The following TCERG1L variants were observed in gnomAD, a reference collection of about 807,000 sequenced individuals.
TCERG1L encodes transcription elongation regulator 1-like protein.
A neutral mutation model predicts 56.3 loss-of-function variants in TCERG1L; 37 were observed. The ratio of observed to expected loss-of-function variants is 0.66; its 90% CI spans 0.51 to 0.87. The LOEUF (loss-of-function observed/expected upper bound fraction) is 0.87, where lower values mean the gene tolerates loss of function less well. Ranked by LOEUF, TCERG1L falls within the 40% of genes least tolerant of loss-of-function variation. The probability of loss-of-function intolerance (pLI) is 0.00; values close to 1 mark genes in which losing one functional copy is unlikely to be tolerated. For missense variants in TCERG1L, 799 were observed against 774.2 expected (o/e 1.03, Z -0.38); for synonymous variants, 324 against 326.3 (o/e 0.99, Z 0.08).
intron 3 of TCERG1L, among the ~76,000 whole-genome samples, chr10:131,302,293 G>A (rs11017867): frequency 0.029 from 4,339 of 150,942 alleles, 243 homozygotes; most frequent in African/African-American, 0.097. Context: ...AGGATATACG[G>A]CTGGCTTTGC....
At chr10:131,117,427 C>G (rs146421476) in intron 8 of TCERG1L, among the ~76,000 whole-genome samples, 37 of 152,366 alleles carry the variant, frequency 2.4e-4, no homozygotes, top group African/African-American at 8.9e-4. Context: ...GCAGAACCAT[C>G]TATGTCCTGA....
At chr10:131,111,682 G>A (rs865812952) in intron 9 of TCERG1L, among the ~76,000 whole-genome samples, 6 of 142,880 alleles carry the variant, frequency 4.2e-5, no homozygotes, top group Middle Eastern at 3.5e-3. Context: ...CCTTCCCCTC[G>A]TCCACGCCCC....
rs191428886 is a variant in TCERG1L at position 131,297,108 on chromosome 10, T to G, written c.670+11103A>C. 1.9e-3 allele frequency among the ~76,000 whole-genome samples: 295 copies of G among 152,314 alleles called. 4 individuals carry two copies. Among genetic ancestry groups the G allele is most frequent in the Admixed American group, 0.018 (269 of 15,302 alleles). On this transcript the variant is annotated intron_variant, in intron 3 of 11. Coordinates refer to ENST00000368642, the MANE Select transcript of TCERG1L (RefSeq NM_174937.4). ...TTTTGCCTTGTTGCATAACTAGGGCTCCCGTCACAAATCCTTGCCTTGTTT... is the reference window on the plus strand; with the variant it reads ...TTTTGCCTTGTTGCATAACTAGGGCGCCCGTCACAAATCCTTGCCTTGTTT...
chr10:131,146,343 G>A (rs537267453), intron 7 of TCERG1L, among the ~76,000 whole-genome samples, 163 bp downstream of exon 7: 37 of 152,344 alleles, frequency 2.4e-4, no homozygotes, highest in Non-Finnish European at 4.6e-4. Flanking sequence ...TCTGCAGGAA[G>A]TGCCATAAAA....
intron 9 of TCERG1L, among the ~76,000 whole-genome samples, chr10:131,115,287 C>G (rs1029444321): frequency 1.3e-5 from 2 of 152,224 alleles, no homozygotes; most frequent in Admixed American, 6.5e-5. Context: ...CGGGGCAGGG[C>G]TAGAGCTTTT....
chr10:131,198,096 T>C (rs1564812590), intron 4 of TCERG1L, among the ~76,000 whole-genome samples: 1 of 152,260 alleles, frequency 6.6e-6, no homozygotes, highest in Non-Finnish European at 1.5e-5. Context: ...TTCTCACCTG[T>C]GGCGACATGC....
At chr10:131,166,444 G>C (rs1188847527) in intron 5 of TCERG1L, among the ~76,000 whole-genome samples, 3 of 152,238 alleles carry the variant, frequency 2.0e-5, no homozygotes, top group Non-Finnish European at 2.9e-5. Context: ...CCTGAAATTA[G>C]AATGAGTGTG....
intron 8 of TCERG1L, among the ~76,000 whole-genome samples, chr10:131,129,519 A>T (rs563437904): frequency 1.5e-4 from 23 of 152,228 alleles, no homozygotes; most frequent in Non-Finnish European, 2.4e-4. Context: ...TTCCATAATA[A>T]AAAGTTATAA....
At chr10:131,169,668 T>C (rs1185441941) in intron 4 of TCERG1L, among the ~76,000 whole-genome samples, 1 of 152,218 alleles carries the variant, frequency 6.6e-6, no homozygotes, top group African/African-American at 2.4e-5. Context: ...GCTGAGGTTG[T>C]GTTTTAATTA....
intron 8 of TCERG1L, among the ~76,000 whole-genome samples, chr10:131,132,758 C>T (rs374476277): frequency 7.9e-5 from 12 of 152,230 alleles, no homozygotes; most frequent in African/African-American, 2.9e-4. Flanking sequence ...GTGGCCCACA[C>T]AGCATCCTTT....
chr10:131,234,195 GATC>G (rs1483452226), intron 4 of TCERG1L, among the ~76,000 whole-genome samples: 1 of 152,204 alleles, frequency 6.6e-6, no homozygotes, highest in Non-Finnish European at 1.5e-5. Flanking sequence ...CTTGGAAGAA[GATC>G]ATCAGGTATT....
chr10:131,291,397 ATTTC>A (rs1846621360), intron 3 of TCERG1L, among the ~76,000 whole-genome samples: 11 of 60,224 alleles, frequency 1.8e-4, no homozygotes, highest in Admixed American at 4.6e-4. Context: ...CATAAACAGC[ATTTC>A]TTTTTTTTTT....
chr10:131,134,628 A>G (rs1048833291), intron 7 of TCERG1L, among the ~76,000 whole-genome samples, 180 bp from the exon 8 acceptor site: 53 of 152,358 alleles, frequency 3.5e-4, no homozygotes, highest in African/African-American at 1.2e-3. Flanking sequence ...ACATTTCAGC[A>G]GAACAGAAAT....
chr10:131,306,215 A>C (rs1053336307), intron 3 of TCERG1L, among the ~76,000 whole-genome samples: 1 of 152,206 alleles, frequency 6.6e-6, no homozygotes, highest in African/African-American at 2.4e-5. Flanking sequence ...CCTAAGAGAC[A>C]TTCAATATGT....
rs114144727 is a variant in TCERG1L at position 131,272,404 on chromosome 10, T to C, written c.671-11960A>G. Among the ~76,000 whole-genome samples, 433 of 152,340 alleles carry C rather than the reference T, an allele frequency of 2.8e-3. 2 individuals are homozygous for C. The highest frequency in any genetic ancestry group is 1.0e-2 in the African/African-American group (414 of 41,584). ...TCTGAAAGGCATCCAATGCCTGCTATAGTTGCAAGTTTTGAATGTGCCAAA... is the reference window on the plus strand; with the variant it reads ...TCTGAAAGGCATCCAATGCCTGCTACAGTTGCAAGTTTTGAATGTGCCAAA... On this transcript the variant is annotated intron_variant, in intron 3 of 11. Transcript: ENST00000368642.
intron 4 of TCERG1L, among the ~76,000 whole-genome samples, chr10:131,184,657 T>C (rs760698978): frequency 2.4e-4 from 37 of 152,196 alleles, no homozygotes; most frequent in South Asian, 8.3e-4. Context: ...ATGGAAACTC[T>C]CCTGCTACTC....
intron 4 of TCERG1L, among the ~76,000 whole-genome samples, chr10:131,193,343 T>G (rs1034014086): frequency 1.3e-5 from 2 of 152,226 alleles, no homozygotes; most frequent in African/African-American, 4.8e-5. Flanking sequence ...TCTTTTGTTA[T>G]GCAGAAGCTT....
chr10:131,155,506 C>T (rs184596178), intron 6 of TCERG1L, among the ~76,000 whole-genome samples: 11 of 152,310 alleles, frequency 7.2e-5, no homozygotes, highest in Admixed American at 2.6e-4. Flanking sequence ...AGGCTCCACC[C>T]GGGCTGGGGG....
chr10:131,101,493 A>T (rs1484667880), intron 10 of TCERG1L, among the ~76,000 whole-genome samples: 1 of 152,250 alleles, frequency 6.6e-6, no homozygotes, highest in Admixed American at 6.5e-5. Context: ...TGGCAACAGC[A>T]AACAAGTTGG....
Sources: allele counts gnomAD v4.1 joint callset (sites outside exome capture counted in the v4.1 genomes callset), GRCh38; gene constraint gnomAD v4.1.1; transcripts MANE v1.5; gene names NCBI Gene and HGNC (gene_info 2026-07-23, HGNC 2026-07-21).